Variants in SHQ1 observed in about 807,000 individuals in gnomAD.
SHQ1 encodes the protein SHQ1, H/ACA ribonucleoprotein assembly factor, also known as protein SHQ1 homolog.
SHQ1 carries 49 observed loss-of-function variants against 53.8 expected under a neutral mutation model. The observed-to-expected ratio is 0.91, with a 90% confidence interval of 0.72 to 1.16. The LOEUF is 1.16. Ranked by LOEUF, SHQ1 falls within the 50% of genes most tolerant of loss-of-function variation. The pLI is 0.00. For missense variants in SHQ1, 738 were observed against 683.1 expected (o/e 1.08, Z -0.90); for synonymous variants, 243 against 251.0 (o/e 0.97, Z 0.30).
In SHQ1 at chr3:72,750,773, C is replaced by T; in HGVS notation, c.1245G>A (p.Leu415=). ...CTTCTAGTTCTTCCAGTTCTAACCCCAGCTGGGCCTTTGTAAGGGAGACTT... is the reference window on the plus strand; with the variant it reads ...CTTCTAGTTCTTCCAGTTCTAACCCTAGCTGGGCCTTTGTAAGGGAGACTT... ...LKEVSLTKAQ[L]GLELEELEAA... is the part of the protein sequence containing the mutation. The change falls in exon 11 of 11, where the codon CTG becomes CTA. Residue 415 remains leucine, a synonymous_variant. Coordinates refer to ENST00000325599, the MANE Select transcript of SHQ1 (RefSeq NM_018130.3). The T allele has an allele frequency of 1.9e-6, 3 of 1,551,574 alleles. No individual in the cohort carries two copies. Among genetic ancestry groups the T allele is most frequent in the Non-Finnish European group, 1.7e-6 (2 of 1,147,046 alleles).
At chr3:72,751,539 T>C (rs28632160) in intron 10 of SHQ1, among the ~76,000 whole-genome samples, 23,905 of 118,036 alleles carry the variant, frequency 0.2, 3,608 homozygotes, top group African/African-American at 0.34. Context: ...TACATATACA[T>C]ACACTAATAA....
chr3:72,824,764 G>A (rs951171297), intron 5 of SHQ1, among the ~76,000 whole-genome samples: 6 of 150,490 alleles, frequency 4.0e-5, no homozygotes, highest in African/African-American at 1.5e-4. Flanking sequence ...TCTGCCTAAA[G>A]GGATATATAA....
At chr3:72,779,608 C>G (rs1706032569) in intron 10 of SHQ1, among the ~76,000 whole-genome samples, 1 of 152,170 alleles carries the variant, frequency 6.6e-6, no homozygotes, top group African/African-American at 2.4e-5. Context: ...GAACCCTGCA[C>G]ACAGTAGGAA....
At chr3:72,798,082 C>T (rs925140777) in intron 9 of SHQ1, among the ~76,000 whole-genome samples, 3 of 152,074 alleles carry the variant, frequency 2.0e-5, no homozygotes, top group Non-Finnish European at 2.9e-5. Flanking sequence ...TCATCATACA[C>T]GATATGGGCA....
At position 72,817,296 on chromosome 3, in the gene SHQ1, G is replaced by A. The variant is rs1207781545; in HGVS notation, c.816C>T (p.Cys272=). 3.7e-6 allele frequency: 6 copies of A among 1,613,860 alleles called. No homozygotes were observed. In the South Asian group the frequency reaches 6.6e-5, roughly 18 times the overall value. Residue 272 remains cysteine (C), a synonymous_variant, in exon 7 of 11, where the codon TGC becomes TGT. Coordinates refer to ENST00000325599, the MANE Select transcript of SHQ1 (RefSeq NM_018130.3). Reference sequence around the variant, plus strand: ...CCAGAAGGATATCAATCAAACTGTAGCACACTTGACGACAGGCTCTCTTGT... The same window carrying A: ...CCAGAAGGATATCAATCAAACTGTAACACACTTGACGACAGGCTCTCTTGT... ...LLDKRACRQV[C]YSLIDILLAY... is the part of the protein sequence containing the mutation.
chr3:72,730,364 T>C, the SHQ1 span, among the ~76,000 whole-genome samples: 3 of 152,228 alleles, frequency 2.0e-5, no homozygotes, highest in South Asian at 2.1e-4. Context: ...ATCCCCTGCC[T>C]CAGCCTCCCA....
chr3:72,766,673 G>A (rs944528989), intron 10 of SHQ1, among the ~76,000 whole-genome samples: 1 of 152,170 alleles, frequency 6.6e-6, no homozygotes, highest in African/African-American at 2.4e-5. Flanking sequence ...CAGACACCAG[G>A]CAAACAAGGA....
intron 6 of SHQ1, among the ~76,000 whole-genome samples, chr3:72,821,327 T>TG (rs1707472424): frequency 6.6e-6 from 1 of 152,158 alleles, no homozygotes; most frequent in African/African-American, 2.4e-5. Context: ...GAGCTTCAGA[T>TG]TAACCACTGA....
At chr3:72,741,419 C>T in the SHQ1 span, among the ~76,000 whole-genome samples, 4 of 152,114 alleles carry the variant, frequency 2.6e-5, no homozygotes, top group African/African-American at 7.2e-5. Context: ...AACCCCATCT[C>T]GACTAAAAAT....
chr3:72,771,687 G>C (rs1705855059), intron 10 of SHQ1, among the ~76,000 whole-genome samples: 1 of 152,202 alleles, frequency 6.6e-6, no homozygotes, highest in Non-Finnish European at 1.5e-5. Flanking sequence ...CCCAAAAAGA[G>C]ACCAAGATGG....
At position 72,841,899 on chromosome 3, in the gene SHQ1, T is replaced by G. The variant is rs886253870; in HGVS notation, c.331+381A>C. ...GCTCAGGCAGTAATACTCCTGGCCC[T>G]CCGCTCACCTCCTGTTGTGCAGCCA... On this transcript the variant is annotated intron_variant, in intron 3 of 10. Transcript: ENST00000325599. Among the ~76,000 whole-genome samples the G allele has an allele frequency of 3.9e-5, 6 of 152,158 alleles. No individual in the cohort carries two copies. The East Asian group carries it at 1.2e-3, about 29-fold the overall frequency.
chr3:72,759,589 G>A (rs2106715594), intron 10 of SHQ1, among the ~76,000 whole-genome samples: 1 of 152,236 alleles, frequency 6.6e-6, no homozygotes, highest in African/African-American at 2.4e-5. Context: ...TACTCAGGAG[G>A]CTGAGGCAGG....
intron 8 of SHQ1, among the ~76,000 whole-genome samples, chr3:72,813,710 A>G (rs1450308873): frequency 6.7e-6 from 1 of 149,742 alleles, no homozygotes; most frequent in South Asian, 2.1e-4. Flanking sequence ...GCAGTGAGCC[A>G]AGATCGCGCC....
downstream of SHQ1, among the ~76,000 whole-genome samples, chr3:72,748,329 C>CAAAAAAAAAAAAAAAAAAAAAAAAAAA (rs572927520): frequency 4.6e-4 from 27 of 58,792 alleles, 4 homozygotes; most frequent in Admixed American, 7.8e-4. Context: ...ATGAGGCATG[C>CAAAAAAAAAAAAAAAAAAAAAAAAAAA]AAAAAAAAAA....
chr3:72,740,172 C>T, the SHQ1 span, among the ~76,000 whole-genome samples: 1 of 152,166 alleles, frequency 6.6e-6, no homozygotes, highest in Admixed American at 6.5e-5. Flanking sequence ...CAGGAATGGC[C>T]ACATGACTCA....
At chr3:72,753,252 G>C in intron 10 of SHQ1, 1 of 985,402 alleles carries the variant, frequency 1.0e-6, no homozygotes. Context: ...GAGTGGCTTT[G>C]AGACAAACTG....
chr3:72,807,369 C>A (rs1328968287), intron 9 of SHQ1, among the ~76,000 whole-genome samples: 1 of 152,228 alleles, frequency 6.6e-6, no homozygotes, highest in Non-Finnish European at 1.5e-5. Context: ...AGCAGCCTCA[C>A]ATGGCAGGTT....
intron 9 of SHQ1, among the ~76,000 whole-genome samples, chr3:72,796,391 C>A (rs1442499016): frequency 2.0e-5 from 3 of 152,108 alleles, no homozygotes; most frequent in Non-Finnish European, 4.4e-5. Context: ...TCCACAGCAG[C>A]CATTACCTGA....
At chr3:72,817,482 GAAAT>G (rs1707353760) in intron 6 of SHQ1, 98 bp from the exon 7 acceptor site, 1 of 1,152,058 alleles carries the variant, frequency 8.7e-7, no homozygotes, top group Admixed American at 2.8e-5. Context: ...TATAGAAACT[GAAAT>G]AAAAGTTCTT....
Sources: gnomAD v4.1 joint callset for allele counts (sites outside exome capture counted in the v4.1 genomes callset) on GRCh38, gnomAD v4.1.1 for gene constraint, MANE v1.5 for transcripts, NCBI Gene and HGNC (gene_info 2026-07-23, HGNC 2026-07-21) for gene names.